NRXN1: variants seen among roughly 807,000 people sequenced by gnomAD.
NRXN1 encodes the protein neurexin 1, also known as neurexin-1.
NRXN1 carries 39 observed loss-of-function variants against 150.9 expected under a neutral mutation model. That is an observed-to-expected ratio of 0.26 (90% CI 0.20 to 0.34). The LOEUF (loss-of-function observed/expected upper bound fraction) is 0.34, where lower values mean the gene tolerates loss of function less well. Among genes scored for constraint, NRXN1 ranks in the 10% least tolerant of loss-of-function variants. The pLI, the probability that NRXN1 is intolerant of heterozygous loss-of-function variation, is 1.00. For synonymous variants in NRXN1, 924 were observed against 757.0 expected (o/e 1.22, Z -3.62); for missense variants, 1,815 against 1,949.9 (o/e 0.93, Z 1.30).
At chr2:50,580,868 A>T (rs890971470) in intron 8 of NRXN1, among the ~76,000 whole-genome samples, 23 of 152,316 alleles carry the variant, frequency 1.5e-4, no homozygotes, top group African/African-American at 5.3e-4. Flanking sequence ...CATACTAATG[A>T]AAATAATGGA....
At chr2:50,240,485 C>T (rs2065910398) in intron 17 of NRXN1, among the ~76,000 whole-genome samples, 1 of 151,628 alleles carries the variant, frequency 6.6e-6, no homozygotes, top group Non-Finnish European at 1.5e-5. Flanking sequence ...TCTTAAAGCC[C>T]TCTTTTCACT....
At chr2:50,481,149 A>G (rs1048425686) in intron 15 of NRXN1, among the ~76,000 whole-genome samples, 2 of 152,224 alleles carry the variant, frequency 1.3e-5, no homozygotes, top group Non-Finnish European at 2.9e-5. Context: ...AAACTATGTT[A>G]ATTGTCCGTT....
chr2:50,970,230 G>C (rs1694792058), intron 2 of NRXN1, among the ~76,000 whole-genome samples: 1 of 152,146 alleles, frequency 6.6e-6, no homozygotes, highest in Non-Finnish European at 1.5e-5. Flanking sequence ...CCTGCCTTGG[G>C]GAAGAGGGAT....
chr2:50,235,275 G>C (rs56331967), intron 18 of NRXN1, among the ~76,000 whole-genome samples: 21,609 of 151,996 alleles, frequency 0.14, 1,784 homozygotes, highest in African/African-American at 0.22. Flanking sequence ...TATCTTAACT[G>C]ATCATTTATT....
intron 8 of NRXN1, among the ~76,000 whole-genome samples, chr2:50,594,053 A>C (rs1026413623): frequency 3.9e-5 from 6 of 152,228 alleles, no homozygotes; most frequent in African/African-American, 1.4e-4. Flanking sequence ...ATGCAAATGA[A>C]GAAAGACTTA....
intron 17 of NRXN1, among the ~76,000 whole-genome samples, chr2:50,373,764 C>A (rs1040211704): frequency 6.6e-6 from 1 of 151,776 alleles, no homozygotes. Flanking sequence ...TTCTGAGAAT[C>A]CTGGGGAGTA....
At chr2:50,725,740 T>C (rs927872979) in intron 5 of NRXN1, among the ~76,000 whole-genome samples, 2 of 152,154 alleles carry the variant, frequency 1.3e-5, no homozygotes, top group African/African-American at 2.4e-5. Context: ...ACAAAAGTTA[T>C]CTGTTTAGAA....
At chr2:50,310,806 C>T (rs372187608) in intron 17 of NRXN1, among the ~76,000 whole-genome samples, 5 of 152,104 alleles carry the variant, frequency 3.3e-5, no homozygotes, top group South Asian at 4.1e-4. Context: ...AGAAAATATT[C>T]GTGAAGACGA....
intron 5 of NRXN1, among the ~76,000 whole-genome samples, chr2:50,651,351 A>G (rs1182817994): frequency 6.6e-6 from 1 of 151,906 alleles, no homozygotes; most frequent in Non-Finnish European, 1.5e-5. Flanking sequence ...GGTGGCTCAC[A>G]CCTGTAATCC....
At chr2:50,538,084 A>T (rs1224162107) in intron 10 of NRXN1, among the ~76,000 whole-genome samples, 169 bp downstream of exon 10, 2 of 152,168 alleles carry the variant, frequency 1.3e-5, no homozygotes, top group Non-Finnish European at 2.9e-5. Flanking sequence ...TCTTTGAAAA[A>T]CATTAAGAGC....
chr2:50,038,102 TAAAG>T (rs1358068093), intron 21 of NRXN1, among the ~76,000 whole-genome samples: 3 of 152,214 alleles, frequency 2.0e-5, no homozygotes, highest in Admixed American at 2.0e-4. Flanking sequence ...TACCTGAGGA[TAAAG>T]AAACAGTGAG....
chr2:50,609,289 C>T (rs1677640470), intron 8 of NRXN1, among the ~76,000 whole-genome samples: 1 of 151,854 alleles, frequency 6.6e-6, no homozygotes, highest in Non-Finnish European at 1.5e-5. Flanking sequence ...AATGAGAAGC[C>T]CTCTGTTCAA....
chr2:50,135,948 A>T (rs1228928990), intron 18 of NRXN1, among the ~76,000 whole-genome samples: 1 of 152,218 alleles, frequency 6.6e-6, no homozygotes, highest in African/African-American at 2.4e-5. Flanking sequence ...TCTCATTTTC[A>T]TGTAGATGTC....
At chr2:50,757,278 C>T (rs898557295) in intron 5 of NRXN1, among the ~76,000 whole-genome samples, 19 of 151,358 alleles carry the variant, frequency 1.3e-4, no homozygotes, top group African/African-American at 3.6e-4. Context: ...ATACGCAGAC[C>T]GCCACACAGA....
intron 17 of NRXN1, among the ~76,000 whole-genome samples, chr2:50,428,844 T>A (rs367948902): frequency 6.6e-6 from 1 of 152,322 alleles, no homozygotes; most frequent in East Asian, 1.9e-4. Context: ...TAAATCCATT[T>A]GAATAGAAGA....
intron 8 of NRXN1, among the ~76,000 whole-genome samples, chr2:50,576,063 T>A (rs1671395453): frequency 6.6e-6 from 1 of 152,136 alleles, no homozygotes; most frequent in South Asian, 2.1e-4. Flanking sequence ...AGAAACAATG[T>A]GATTATTACT....
chr2:50,313,810 G>C (rs886683804), intron 17 of NRXN1, among the ~76,000 whole-genome samples: 1 of 152,066 alleles, frequency 6.6e-6, no homozygotes, highest in African/African-American at 2.4e-5. Context: ...AAGGACACTG[G>C]AGACAAATGT....
chr2:50,324,633 C>G (rs555709215), intron 17 of NRXN1, among the ~76,000 whole-genome samples: 1 of 152,332 alleles, frequency 6.6e-6, no homozygotes, highest in South Asian at 2.1e-4. Flanking sequence ...GCTCCGCCTC[C>G]CGGGTTCACG....
At chr2:49,957,659 A>G (rs1312777038) in intron 21 of NRXN1, among the ~76,000 whole-genome samples, 1 of 152,208 alleles carries the variant, frequency 6.6e-6, no homozygotes, top group Non-Finnish European at 1.5e-5. Flanking sequence ...CTCTAGCTAC[A>G]CGATGTAATC....
Sources: gnomAD v4.1 joint callset for allele counts (sites outside exome capture counted in the v4.1 genomes callset) on GRCh38, gnomAD v4.1.1 for gene constraint, MANE v1.5 for transcripts, NCBI Gene and HGNC (gene_info 2026-07-23, HGNC 2026-07-21) for gene names.